WDR47: variants seen among roughly 807,000 people sequenced by gnomAD.
WDR47 encodes WD repeat domain 47.
Under a neutral mutation model 97.2 loss-of-function variants are expected in WDR47, and 32 were observed. The ratio of observed to expected loss-of-function variants is 0.33; its 90% CI spans 0.25 to 0.44. The LOEUF is 0.44. Among genes scored for constraint, WDR47 ranks in the 20% least tolerant of loss-of-function variants. WDR47 has a pLI of 1.00. For missense variants in WDR47, 782 were observed against 1,102.3 expected (o/e 0.71, Z 4.11); for synonymous variants, 375 against 373.5 (o/e 1.00, Z -0.05).
chr1:108,986,779 G>A, intron 9 of WDR47, 99 bp from the exon 10 acceptor site: 1 of 1,047,320 alleles, frequency 9.5e-7, no homozygotes, highest in Non-Finnish European at 1.4e-6. Context: ...TATTATTCTT[G>A]TTGGATCATG....
chr1:108,991,288 G>C lies in WDR47; in HGVS notation c.1733C>G (p.Ser578Cys), dbSNP rs747565723. The C allele has an allele frequency of 1.9e-6, 3 of 1,612,982 alleles. No individual in the cohort carries two copies. Among genetic ancestry groups the C allele is most frequent in the South Asian group, 1.1e-5 (1 of 90,934 alleles). The change falls in exon 9 of 15, where the codon TCT becomes TGT. Residue 578 changes from serine (S) to cysteine (C), a missense_variant. This residue lies in a region of WDR47 where 126 missense variants were observed against 121.3 expected (regional missense o/e 1.04). Coordinates refer to ENST00000369962, the MANE Select transcript of WDR47 (RefSeq NM_001142551.2). The stretch of plus-strand genomic sequence containing the variant: ...TTTCGACCTTGAAAGACTCCCTGGA[G>C]AATCTCCAAGAGGTGGCTTAATGAC... The part of the protein sequence containing the change: ...HSVIKPPLGD[S>C]PGSLSRSKGE...
chr1:109,011,019 G>A lies in WDR47; in HGVS notation c.1027C>T (p.His343Tyr). 6.2e-7 allele frequency: 1 copy of A among 1,614,152 alleles called. No homozygotes were observed. Among genetic ancestry groups the A allele is most frequent in the Non-Finnish European group, 8.5e-7 (1 of 1,180,034 alleles). Residue 343 changes from histidine to tyrosine, a missense_variant, in exon 5 of 15, where the codon CAC (histidine) becomes TAC (tyrosine). By Grantham distance (83) the His-to-Tyr change is moderately conservative. Coordinates refer to ENST00000369962, the MANE Select transcript of WDR47 (RefSeq NM_001142551.2). Reference protein sequence around the residue: ...DLGNKTSPMSHSFANFHYPGV... With the variant: ...DLGNKTSPMSYSFANFHYPGV... ...GGATAATGGAAGTTAGCAAAGGAGTGTGACATTGGAGAAGTTTTGTTTCCA... is the reference window on the plus strand; with the variant it reads ...GGATAATGGAAGTTAGCAAAGGAGTATGACATTGGAGAAGTTTTGTTTCCA...
Position 109,024,409 on chromosome 1 carries a change from TGCCACTGCACTACA to T in WDR47, c.-9-902_-9-889del, listed in dbSNP as rs546479872. Among the ~76,000 whole-genome samples, 190 of 151,612 alleles carry T rather than the reference TGCCACTGCACTACA, an allele frequency of 1.3e-3. 1 individual carries two copies. In the Middle Eastern group the frequency reaches 0.014, roughly 11 times the overall value. ...TCAAGGCTGCAGTGAGCAAAGATCG[TGCCACTGCACTACA>T]GCCTGAGCAACAGAATTAGACTCCG... On this transcript the variant is annotated intron_variant, in intron 1 of 14. Coordinates refer to ENST00000369962, the MANE Select transcript of WDR47 (RefSeq NM_001142551.2).
Position 108,981,719 on chromosome 1 carries a change from A to C in WDR47, c.2398+14T>G, listed in dbSNP as rs2101813807. On this transcript the variant is annotated intron_variant, in intron 13 of 14. Transcript: ENST00000369962. ...AGTTTTTTTCCCATATATATCATTT[A>C]AAGAAAAACCTACCAGTTCCATGAA... is the stretch of plus-strand genomic sequence containing the variant. 1 of 1,606,076 alleles carries C rather than the reference A, an allele frequency of 6.2e-7. No homozygotes were observed.
At position 108,986,666 on chromosome 1, in the gene WDR47, T is replaced by C. The variant is rs1461889595; in HGVS notation, c.1782A>G (p.Lys594=). The C allele has an allele frequency of 2.4e-5, 39 of 1,602,654 alleles. No individual in the cohort carries two copies. Among genetic ancestry groups the C allele is most frequent in the Non-Finnish European group, 3.3e-5 (39 of 1,176,266 alleles). The part of the protein sequence containing the change: ...RSKGEEDDKS[K]KQFVCINILE... The stretch of plus-strand genomic sequence containing the variant: ...GGATATTAATACAAACAAACTGCTT[T>C]TTTGATTTGTCATCCTATGGAAAGA... The change falls in exon 10 of 15, where the codon AAA becomes AAG. Residue 594 remains lysine (K), a synonymous_variant. Transcript: ENST00000369962.
intron 9 of WDR47, among the ~76,000 whole-genome samples, chr1:108,989,797 C>T (rs1012084107): frequency 6.6e-6 from 1 of 152,058 alleles, no homozygotes; most frequent in Non-Finnish European, 1.5e-5. Context: ...CAGGTTCAAG[C>T]GATTCTCCTG....
At chr1:108,974,254 C>CG (rs1657714398) in intron 14 of WDR47, among the ~76,000 whole-genome samples, 1 of 152,112 alleles carries the variant, frequency 6.6e-6, no homozygotes. Flanking sequence ...CTTTGGGAGA[C>CG]GAAGGCGGAT....
At chr1:109,005,280 G>A (rs1254464358) in intron 5 of WDR47, among the ~76,000 whole-genome samples, 1 of 151,998 alleles carries the variant, frequency 6.6e-6, no homozygotes, top group East Asian at 1.9e-4. Context: ...TGGGTGTGGT[G>A]GGGCGCCTGT....
chr1:109,019,068 C>A (rs1273253273), intron 2 of WDR47, among the ~76,000 whole-genome samples: 2 of 151,668 alleles, frequency 1.3e-5, no homozygotes, highest in East Asian at 1.9e-4. Context: ...ATAGCAAGAC[C>A]CTGTTTCAAA....
At chr1:108,979,891 T>C (rs933679819) in intron 13 of WDR47, among the ~76,000 whole-genome samples, 5 of 152,170 alleles carry the variant, frequency 3.3e-5, no homozygotes, top group Admixed American at 3.3e-4. Context: ...CTGACAGCAG[T>C]CTATGGCCTG....
At chr1:109,018,795 C>A (rs1435152880) in intron 2 of WDR47, among the ~76,000 whole-genome samples, 1 of 151,970 alleles carries the variant, frequency 6.6e-6, no homozygotes, top group Non-Finnish European at 1.5e-5. Flanking sequence ...GCCTGGGCAA[C>A]AGAGTGAGAC....
chr1:108,976,798 A>G (rs977591516), intron 13 of WDR47, among the ~76,000 whole-genome samples: 2 of 152,206 alleles, frequency 1.3e-5, no homozygotes, highest in African/African-American at 2.4e-5. Flanking sequence ...CCAACTAAGG[A>G]AACAGCATAT....
intron 11 of WDR47, 50 bp downstream of exon 11, chr1:108,983,232 A>G (rs1386540661): frequency 2.0e-6 from 3 of 1,466,226 alleles, no homozygotes; most frequent in Non-Finnish European, 2.7e-6. Context: ...TGGAGAAAAC[A>G]TAACATATAC....
At chr1:109,033,222 G>C (rs1662721363) in intron 1 of WDR47, among the ~76,000 whole-genome samples, 1 of 152,038 alleles carries the variant, frequency 6.6e-6, no homozygotes, top group African/African-American at 2.4e-5. Flanking sequence ...TGAACCCAGG[G>C]GGGCAGAGGT....
Position 108,995,317 on chromosome 1 carries a change from T to G in WDR47, c.1691+263A>C, listed in dbSNP as rs187138146. Among the ~76,000 whole-genome samples the G allele has an allele frequency of 1.4e-4, 22 of 152,278 alleles. No homozygotes were observed. The East Asian group carries it at 4.0e-3, about 28-fold the overall frequency. On this transcript the variant is annotated intron_variant, in intron 8 of 14. Coordinates refer to ENST00000369962, the MANE Select transcript of WDR47 (RefSeq NM_001142551.2). ...TTAGAGATCCTAAAACTGTAGGTTCTTTGAGTAGGATGGCTTATAAAAAAT... is the reference window on the plus strand; with the variant it reads ...TTAGAGATCCTAAAACTGTAGGTTCGTTGAGTAGGATGGCTTATAAAAAAT...
intron 7 of WDR47, 73 bp from the exon 8 acceptor site, chr1:108,995,910 G>C: frequency 1.4e-6 from 2 of 1,436,840 alleles, no homozygotes; most frequent in Non-Finnish European, 1.9e-6. Flanking sequence ...AAGGTTAAAA[G>C]TGTGAAAAGG....
intron 6 of WDR47, 30 bp downstream of exon 6, chr1:109,004,562 C>T: frequency 6.3e-7 from 1 of 1,590,882 alleles, no homozygotes; most frequent in Non-Finnish European, 8.5e-7. Flanking sequence ...GAGAATAACT[C>T]TGAAAAACAC....
At chr1:109,005,723 T>C (rs1348165613) in intron 5 of WDR47, among the ~76,000 whole-genome samples, 1 of 151,112 alleles carries the variant, frequency 6.6e-6, no homozygotes, top group African/African-American at 2.4e-5. Context: ...AACACAAAAA[T>C]TTGTTGGGCG....
intron 9 of WDR47, among the ~76,000 whole-genome samples, chr1:108,988,538 C>T (rs977524843): frequency 4.6e-5 from 7 of 151,474 alleles, no homozygotes; most frequent in Admixed American, 2.0e-4. Flanking sequence ...AAAAATTAGC[C>T]GGGTGTGGTG....
Sources: gnomAD v4.1 joint callset for allele counts (sites outside exome capture counted in the v4.1 genomes callset) on GRCh38, gnomAD v4.1.1 for gene constraint, gnomAD v4.1.1 regional missense constraint, MANE v1.5 for transcripts, NCBI Gene and HGNC (gene_info 2026-07-23, HGNC 2026-07-21) for gene names.